Variants in CYGB observed in about 807,000 individuals in gnomAD.
CYGB encodes the protein cytoglobin, also known as histoglobin.
In CYGB, 13 loss-of-function variants were observed where a neutral mutation model predicts 20.7. The ratio of observed to expected loss-of-function variants is 0.63; its 90% confidence interval spans 0.41 to 1.00. CYGB has a LOEUF of 1.00. Ranked by LOEUF, CYGB falls within the 50% of genes least tolerant of loss-of-function variation. CYGB has a pLI of 0.00. For synonymous variants in CYGB, 93 were observed against 107.4 expected, an observed-to-expected ratio of 0.87 and a Z score of 0.83; for missense variants, 218 against 257.2, an observed-to-expected ratio of 0.85 and a Z score of 1.04.
At chr17:76,540,648 C>G (rs149696676), upstream of CYGB, 1 of 1,455,866 alleles carries the variant, frequency 6.9e-7, no homozygotes, top group African/African-American at 1.4e-5. This position sits in a 1 kb window ranked among gnomAD's most constrained non-coding sequence, Gnocchi z 5.0. Flanking sequence ...TGGGGGTGCA[C>G]GTGTGTGCCT....
chr17:76,528,403 G>T lies in CYGB; in HGVS notation c.*175C>A. The T allele has an allele frequency of 1.9e-6, 1 of 534,832 alleles. No homozygotes were observed. The highest frequency in any genetic ancestry group is 2.9e-6 in the Non-Finnish European group (1 of 344,044). 33.1% of individuals were successfully genotyped at this position (534,832 alleles called of 1,614,324 possible). On this transcript the variant is annotated 3_prime_UTR_variant, in exon 4 of 4. Coordinates refer to ENST00000293230, the MANE Select transcript of CYGB (RefSeq NM_134268.5). This position sits in a 1 kb window ranked among gnomAD's most constrained non-coding sequence, Gnocchi z 5.8. ...GGTCAGCATCCAGGCAGCCAGCGCC[G>T]CCTCCCAGCAGCTCCAGGGGGGGAC... is the stretch of plus-strand genomic sequence containing the variant.
chr17:76,537,996 G>C (rs1461634489), upstream of CYGB: 2 of 151,296 alleles, frequency 1.3e-5, no homozygotes, highest in African/African-American at 2.4e-5. Flanking sequence ...GCGGTCACGC[G>C]GCGCTGGGCG....
rs2074784654 is a variant in CYGB, at chr17:76,527,781, G to A, written c.*797C>T. The stretch of plus-strand genomic sequence containing the variant: ...TCTGGACTGAGGCCCCTCCCCCAGT[G>A]CGGTCATCCCACCCAGAACTTCGCT... On this transcript the variant is annotated 3_prime_UTR_variant, in exon 4 of 4. Coordinates refer to ENST00000293230, the MANE Select transcript of CYGB (RefSeq NM_134268.5). 2.2e-6 allele frequency: 1 copy of A among 453,912 alleles called. No homozygotes were observed. Among genetic ancestry groups the A allele is most frequent in the African/African-American group, 2.0e-5 (1 of 49,992 alleles). The allele number at this position is 453,912 out of a possible 1,614,324, so 28.1% of individuals were successfully genotyped here. A position where few individuals can be genotyped will look rare whatever the true frequency, so the allele number is the denominator to read the frequency against.
rs1298325391 is a variant in CYGB, at chr17:76,527,788, TC to T, written c.*789del. On this transcript the variant is annotated 3_prime_UTR_variant, in exon 4 of 4. Transcript: ENST00000293230. ...TGAGGCCCCTCCCCCAGTGCGGTCA[TC>T]CCACCCAGAACTTCGCTCTGCCCCT... The T allele has an allele frequency of 6.6e-6, 3 of 453,970 alleles. No individual in the cohort carries two copies. The highest frequency in any genetic ancestry group is 4.7e-5 in the South Asian group (3 of 64,476). The allele number at this position is 453,970 out of a possible 1,614,324, so 28.1% of individuals were successfully genotyped here. A position where few individuals can be genotyped will look rare whatever the true frequency, so the allele number is the denominator to read the frequency against.
upstream of CYGB, chr17:76,540,640 G>A: frequency 6.6e-7 from 1 of 1,511,104 alleles, no homozygotes; most frequent in South Asian, 1.1e-5. This position sits in a 1 kb window ranked among gnomAD's most constrained non-coding sequence, Gnocchi z 5.0. Flanking sequence ...TGCATGCCTG[G>A]GGGTGCACGT....
intron 1 of CYGB, chr17:76,544,158 G>A (rs1264276277): frequency 6.6e-6 from 3 of 454,576 alleles, no homozygotes; most frequent in South Asian, 4.7e-5. Context: ...GCAGGCAGCT[G>A]CTCCTGATGT....
rs762326252 is a variant in CYGB, at chr17:76,531,173, C to T, written c.376-31G>A. 40 of 1,597,710 alleles carry T rather than the reference C, an allele frequency of 2.5e-5. No individual in the cohort carries two copies. Among genetic ancestry groups the T allele is most frequent in the East Asian group, 6.7e-5 (3 of 44,588 alleles). On this transcript the variant is annotated intron_variant, in intron 2 of 3. Transcript: ENST00000293230. The surrounding 1 kb of genome is among the most constrained non-coding windows in gnomAD (Gnocchi z 7.4). ...GGCAAAGGGAGGAAGGGGGAGTGAA[C>T]GCCCGGGCGCCCTGCGTCCTGCAAC...
intron 1 of CYGB, among the ~76,000 whole-genome samples, chr17:76,534,136 CTCTT>C (rs1226089403): frequency 5.8e-4 from 76 of 130,252 alleles, no homozygotes; most frequent in African/African-American, 2.1e-3. Flanking sequence ...CTTTCTCTCT[CTCTT>C]TCTCTTTCTC....
At chr17:76,545,184 C>T in intron 1 of CYGB, 1 of 456,788 alleles carries the variant, frequency 2.2e-6, no homozygotes, top group Non-Finnish European at 4.4e-6. Flanking sequence ...CCTGGGCTCT[C>T]TGCGCAGTCT....
intron 1 of CYGB, among the ~76,000 whole-genome samples, chr17:76,547,617 C>T (rs1427367414): frequency 6.6e-6 from 1 of 150,870 alleles, no homozygotes; most frequent in Non-Finnish European, 1.5e-5. Context: ...GAGGCCAATC[C>T]TGTCCCTATG....
At chr17:76,535,812 C>T (rs975453405) in intron 1 of CYGB, among the ~76,000 whole-genome samples, 5 of 152,186 alleles carry the variant, frequency 3.3e-5, no homozygotes, top group East Asian at 1.9e-4. Flanking sequence ...AATGGTGTTC[C>T]ATGATGTGGA....
intron 1 of CYGB, chr17:76,545,902 G>A (rs1244966295): frequency 4.3e-5 from 7 of 162,354 alleles, no homozygotes; most frequent in Middle Eastern, 3.0e-3. Flanking sequence ...ACAGAGCTGG[G>A]CGACCGGTAG....
At chr17:76,529,267 G>T in intron 3 of CYGB, 1 of 985,434 alleles carries the variant, frequency 1.0e-6, no homozygotes, top group Non-Finnish European at 1.2e-6. Context: ...GTGGGCTAGA[G>T]GGTGTAAAGG....
At chr17:76,543,044 G>A (rs1334114965) in intron 1 of CYGB, 5 of 472,854 alleles carry the variant, frequency 1.1e-5, no homozygotes, top group Non-Finnish European at 2.2e-5. Context: ...GTCCTGGTTC[G>A]TCCCCTAGCC....
chr17:76,542,888 C>T (rs927534126), intron 1 of CYGB: 4 of 591,758 alleles, frequency 6.8e-6, no homozygotes, highest in African/African-American at 3.7e-5. Flanking sequence ...TTGGGGATGG[C>T]GAGGTGGTCG....
At chr17:76,529,799 T>C (rs1179694608) in intron 3 of CYGB, 1 of 985,158 alleles carries the variant, frequency 1.0e-6, no homozygotes, top group African/African-American at 1.7e-5. Context: ...TTGTTTCCCA[T>C]TGACTCCCAG....
At chr17:76,549,365 C>T (rs943854598) in intron 1 of CYGB, among the ~76,000 whole-genome samples, 2 of 152,180 alleles carry the variant, frequency 1.3e-5, no homozygotes, top group South Asian at 2.1e-4. Context: ...CGGTGGCTCA[C>T]GCCTGTAATA....
intron 3 of CYGB, chr17:76,529,914 G>T (rs549764364): frequency 6.1e-5 from 60 of 985,324 alleles, no homozygotes; most frequent in African/African-American, 4.7e-4. Context: ...GACGGGAGAG[G>T]GGGGAGGGGA....
At chr17:76,538,585 C>A, upstream of CYGB, 1 of 440,476 alleles carries the variant, frequency 2.3e-6, no homozygotes, top group East Asian at 8.4e-5. Context: ...ATAGGGCAGA[C>A]AGGACCTGGC....
Sources: gnomAD v4.1 joint callset for allele counts (sites outside exome capture counted in the v4.1 genomes callset) on GRCh38, gnomAD v4.1.1 for gene constraint, Gnocchi (gnomAD v3.1) non-coding constraint, MANE v1.5 for transcripts, NCBI Gene and HGNC (gene_info 2026-07-23, HGNC 2026-07-21) for gene names.